The following DDX21 variants were observed in gnomAD, a reference collection of about 807,000 sequenced individuals.
The protein encoded by DDX21 is DExD-box helicase 21, also known as nucleolar RNA helicase 2.
A neutral mutation model predicts 90.0 loss-of-function variants in DDX21; 18 were observed. That is an observed-to-expected ratio of 0.20 (90% CI 0.14 to 0.30). The LOEUF (loss-of-function observed/expected upper bound fraction) is 0.30, where lower values mean the gene tolerates loss of function less well. DDX21 is among the 10% of genes least tolerant of loss of function. The pLI, the probability that DDX21 is intolerant of heterozygous loss-of-function variation, is 1.00. For synonymous variants in DDX21, 294 were observed against 318.0 expected (o/e 0.92, Z 0.80); for missense variants, 673 against 944.5 (o/e 0.71, Z 3.77).
At chr10:68,980,577 G>A (rs542401230) in intron 13 of DDX21, among the ~76,000 whole-genome samples, 1 of 152,260 alleles carries the variant, frequency 6.6e-6, no homozygotes, top group South Asian at 2.1e-4. Flanking sequence ...GGTAAATTTT[G>A]GGGTGAAAGG....
Position 68,956,322 on chromosome 10 carries a change from A to C in DDX21, c.87+10A>C. 1 of 1,614,068 alleles carries C rather than the reference A, an allele frequency of 6.2e-7. No individual in the cohort carries two copies. Among genetic ancestry groups the C allele is most frequent in the Non-Finnish European group, 8.5e-7 (1 of 1,179,936 alleles). ...AAAGCAAACCGAGGAGGTGAAACGG[A>C]GGGACCTGGGGCCAGGAGGGACGCT... On this transcript the variant is annotated intron_variant, in intron 1 of 14. Transcript: ENST00000354185.
Position 68,968,922 on chromosome 10 carries a change from A to G in DDX21, c.1091-54A>G, listed in dbSNP as rs1842980663. 1.8e-5 allele frequency: 28 copies of G among 1,593,598 alleles called. 2 individuals are homozygous for G. The South Asian group carries it at 3.0e-4, about 17-fold the overall frequency. ...GAAGTATTAGGTTAGGTGGAATACT[A>G]TGTAGGCTTGTTTGGATTATTCATA... On this transcript the variant is annotated intron_variant, in intron 6 of 14. Coordinates refer to ENST00000354185, the MANE Select transcript of DDX21 (RefSeq NM_004728.4).
chr10:68,965,916 T>C (rs1175740082), intron 5 of DDX21, among the ~76,000 whole-genome samples: 2 of 152,082 alleles, frequency 1.3e-5, no homozygotes, highest in African/African-American at 2.4e-5. Context: ...TCTACTCTTA[T>C]ATTCCATTAC....
intron 3 of DDX21, 28 bp downstream of exon 3, chr10:68,962,185 G>A (rs748032604): frequency 6.6e-7 from 1 of 1,506,358 alleles, no homozygotes. Context: ...ATCGTATGAT[G>A]TTAGAACGTA....
chr10:68,981,438 GT>G, intron 13 of DDX21, 98 bp from the exon 14 acceptor site: 2 of 1,153,162 alleles, frequency 1.7e-6, no homozygotes, highest in Non-Finnish European at 2.5e-6. Flanking sequence ...TTTGCTTTAT[GT>G]TTTTTGTTTT....
chr10:68,978,110 ACT>A (rs576551269), intron 12 of DDX21, among the ~76,000 whole-genome samples: 105 of 152,106 alleles, frequency 6.9e-4, no homozygotes, highest in African/African-American at 2.3e-3. Flanking sequence ...ACAGAGTGAG[ACT>A]CTGTCTCAGA....
At chr10:68,962,661 C>CT (rs1485447418) in intron 3 of DDX21, among the ~76,000 whole-genome samples, 17 of 152,130 alleles carry the variant, frequency 1.1e-4, no homozygotes, top group African/African-American at 4.1e-4. Flanking sequence ...AGTGTATTGA[C>CT]TAATGGTGCT....
chr10:68,961,512 T>C (rs776127048), intron 2 of DDX21, among the ~76,000 whole-genome samples: 6 of 152,362 alleles, frequency 3.9e-5, no homozygotes, highest in Non-Finnish European at 8.8e-5. Flanking sequence ...AGGATTGTAC[T>C]GTGCAATCTT....
chr10:68,981,714 G>T, intron 14 of DDX21, 133 bp downstream of exon 14: 3 of 806,714 alleles, frequency 3.7e-6, no homozygotes, highest in South Asian at 1.8e-5. Context: ...ATTAAATTTT[G>T]GAATATTCCC....
At chr10:68,957,843 T>C (rs942001083) in intron 1 of DDX21, among the ~76,000 whole-genome samples, 2 of 152,186 alleles carry the variant, frequency 1.3e-5, no homozygotes, top group Non-Finnish European at 2.9e-5. Context: ...CAGCGTAATA[T>C]GTACTTCCAA....
chr10:68,977,917 G>A (rs893475284), intron 12 of DDX21, among the ~76,000 whole-genome samples: 5 of 151,786 alleles, frequency 3.3e-5, no homozygotes, highest in Non-Finnish European at 7.4e-5. Context: ...AGATCAGCCT[G>A]GGCAACCTAG....
intron 1 of DDX21, among the ~76,000 whole-genome samples, chr10:68,959,114 A>G (rs1415139141): frequency 6.6e-6 from 1 of 152,292 alleles, no homozygotes; most frequent in East Asian, 1.9e-4. Flanking sequence ...CATTTGCCTT[A>G]TTCTATTGGA....
At chr10:68,981,459 A>T in intron 13 of DDX21, 78 bp from the exon 14 acceptor site, 6 of 1,276,320 alleles carry the variant, frequency 4.7e-6, no homozygotes, top group East Asian at 2.3e-5. Context: ...TCTTTTTTTT[A>T]AAGAATACGT....
intron 1 of DDX21, among the ~76,000 whole-genome samples, chr10:68,958,853 G>T (rs1842836533): frequency 6.6e-6 from 1 of 152,152 alleles, no homozygotes; most frequent in South Asian, 2.1e-4. Context: ...GAGATTACAG[G>T]CATGAACCAC....
At chr10:68,977,378 T>C in intron 11 of DDX21, 151 bp from the exon 12 acceptor site, 4 of 616,658 alleles carry the variant, frequency 6.5e-6, no homozygotes, top group Non-Finnish European at 1.0e-5. Context: ...GATTTATTAC[T>C]ATAGAAATAT....
rs144879525 is a variant in DDX21 at position 68,959,821 on chromosome 10, A to C, written c.103A>C (p.Lys35Gln). Reference sequence around the variant, plus strand: ...TTTTTTTTAGAAAGAGAAAAAAGAGAAGCCAAAATCTGATAAGACTGAAGA... The same window carrying C: ...TTTTTTTTAGAAAGAGAAAAAAGAGCAGCCAAAATCTGATAAGACTGAAGA... ...KQTEEKEKKE[K>Q]PKSDKTEEIA... The change falls in exon 2 of 15, where the codon AAG becomes CAG. Residue 35 changes from lysine to glutamine, a missense_variant. By Grantham distance (53) the Lys-to-Gln change is moderately conservative. Transcript: ENST00000354185. 163 of 1,533,134 alleles carry C rather than the reference A, an allele frequency of 1.1e-4. No homozygotes were observed. The Middle Eastern group carries it at 2.1e-3, about 20-fold the overall frequency. 95.0% of individuals were successfully genotyped at this position (1,533,134 alleles called of 1,614,324 possible).
intron 1 of DDX21, among the ~76,000 whole-genome samples, chr10:68,958,592 A>G (rs1240504014): frequency 2.6e-5 from 4 of 152,102 alleles, no homozygotes; most frequent in Non-Finnish European, 5.9e-5. Flanking sequence ...GCGTGCCACC[A>G]TGCCTGGCTA....
chr10:68,966,263 G>A (rs1003260521), intron 5 of DDX21, among the ~76,000 whole-genome samples: 9 of 151,140 alleles, frequency 6.0e-5, no homozygotes, highest in Non-Finnish European at 1.3e-4. Context: ...TTTTAGTAGA[G>A]ACAGGGTTTC....
chr10:68,968,960 TTCCCCC>T lies in DDX21; in HGVS notation c.1091-12_1091-7del. On this transcript the variant is annotated splice_polypyrimidine_tract_variant and intron_variant, in intron 6 of 14. Transcript: ENST00000354185. ...TGGATTATTCATACTGACTTTTTTT[TTCCCCC>T]TCCTCAAAGATTCTGAAGACAATCC... The T allele has an allele frequency of 6.2e-7, 1 of 1,611,424 alleles. No homozygotes were observed. The highest frequency in any genetic ancestry group is 1.1e-5 in the South Asian group (1 of 90,844).
Sources: gnomAD v4.1 joint callset for allele counts (sites outside exome capture counted in the v4.1 genomes callset) on GRCh38, gnomAD v4.1.1 for gene constraint, MANE v1.5 for transcripts, NCBI Gene and HGNC (gene_info 2026-07-23, HGNC 2026-07-21) for gene names.